The following MVB12B variants were observed in gnomAD, a reference collection of about 807,000 sequenced individuals.
The protein encoded by MVB12B is ESCRT-I complex subunit MVB12B.
Under a neutral mutation model 41.6 loss-of-function variants are expected in MVB12B, and 16 were observed. The observed-to-expected ratio is 0.38, with a 90% confidence interval of 0.26 to 0.58. MVB12B has a LOEUF of 0.58. MVB12B is among the 20% of genes least tolerant of loss of function. The pLI, the probability that MVB12B is intolerant of heterozygous loss-of-function variation, is 0.62. For synonymous variants in MVB12B, 133 were observed against 139.7 expected, an observed-to-expected ratio of 0.95 and a Z score of 0.34; for missense variants, 274 against 380.2, an observed-to-expected ratio of 0.72 and a Z score of 2.32.
chr9:126,496,154 T>C (rs1396505584), intron 9 of MVB12B, among the ~76,000 whole-genome samples: 1 of 151,844 alleles, frequency 6.6e-6, no homozygotes, highest in African/African-American at 2.4e-5. Flanking sequence ...GCCCAGAGCC[T>C]GATGTGTCTC....
At position 126,505,670 on chromosome 9, in the gene MVB12B, GTGTGTGTGTA is replaced by G. The variant is rs145703083; in HGVS notation, c.*2409_*2418del. ...AGCATGTGCCTGTGTGTGTGTGTGT[GTGTGTGTGTA>G]TATGTGTGTGTGTGCACGCACATGC... On this transcript the variant is annotated 3_prime_UTR_variant, in exon 10 of 10. Transcript: ENST00000361171. The G allele has an allele frequency of 0.061, 8,487 of 138,588 alleles. 341 individuals are homozygous for G. Among genetic ancestry groups the G allele is most frequent in the Middle Eastern group, 0.18 (51 of 286 alleles). 8.6% of individuals were successfully genotyped at this position (138,588 alleles called of 1,614,324 possible).
At chr9:126,482,182 TGGCAG>T (rs1444768846) in intron 8 of MVB12B, among the ~76,000 whole-genome samples, 1 of 52,320 alleles carries the variant, frequency 1.9e-5, no homozygotes, top group Admixed American at 2.1e-4. Flanking sequence ...GCCCCCAAGG[TGGCAG>T]TGGCCCCCTC....
chr9:126,365,602 A>G (rs1443490699), intron 2 of MVB12B, among the ~76,000 whole-genome samples: 3 of 152,134 alleles, frequency 2.0e-5, no homozygotes, highest in Non-Finnish European at 4.4e-5. Context: ...TGGCCTCCCA[A>G]AGTGCTAGGA....
At chr9:126,381,213 T>A in intron 3 of MVB12B, 42 bp downstream of exon 3, 2 of 1,313,186 alleles carry the variant, frequency 1.5e-6, no homozygotes, top group Non-Finnish European at 1.1e-6. Flanking sequence ...TGAGCACAAG[T>A]AATTTACATT....
intron 6 of MVB12B, among the ~76,000 whole-genome samples, chr9:126,417,392 T>TC (rs370549107): frequency 6.6e-6 from 1 of 152,220 alleles, no homozygotes; most frequent in Non-Finnish European, 1.5e-5. Context: ...TTCTTTTTTT[T>TC]CCCTTCTTGT....
chr9:126,429,237 C>G (rs1363094433), intron 7 of MVB12B, among the ~76,000 whole-genome samples: 1 of 152,096 alleles, frequency 6.6e-6, no homozygotes, highest in Non-Finnish European at 1.5e-5. Flanking sequence ...TCCTCTTGCC[C>G]TGACTGACAA....
At chr9:126,328,998 G>T (rs1423669623) in intron 1 of MVB12B, among the ~76,000 whole-genome samples, 2 of 152,038 alleles carry the variant, frequency 1.3e-5, no homozygotes, top group Non-Finnish European at 2.9e-5. Context: ...GCCCAAGCTG[G>T]TCTTGAACAC....
At chr9:126,396,438 C>T (rs1174306322) in intron 6 of MVB12B, 1 of 985,524 alleles carries the variant, frequency 1.0e-6, no homozygotes, top group Non-Finnish European at 1.2e-6. Context: ...GAGGCAGCAA[C>T]ACTTAGGGAT....
rs886337345 is a variant in MVB12B at position 126,333,395 on chromosome 9, T to C, written c.81+6385T>C. On this transcript the variant is annotated intron_variant, in intron 1 of 9. Coordinates refer to ENST00000361171, the MANE Select transcript of MVB12B (RefSeq NM_033446.3). This position sits in a 1 kb window ranked among gnomAD's most constrained non-coding sequence, Gnocchi z 4.7. ...CCACTGCGCCTGGCCATGACCCTGG[T>C]TTTATTTATTTACTTATTTATTTTT... Among the ~76,000 whole-genome samples, 1 of 150,694 alleles carries C rather than the reference T, an allele frequency of 6.6e-6. No individual in the cohort carries two copies. The highest frequency in any genetic ancestry group is 1.5e-5 in the Non-Finnish European group (1 of 67,756).
rs1309448466 is a variant in MVB12B, at chr9:126,376,002, AC to A, written c.205-5060del. 4.0e-5 allele frequency among the ~76,000 whole-genome samples: 6 copies of A among 151,588 alleles called. No homozygotes were observed. The highest frequency in any genetic ancestry group is 1.5e-4 in the African/African-American group (6 of 41,182). ...ATCCACTTTTGTGGAAACACTCAGG[AC>A]CTCTTTAACACAGAGGCTCCCCCTC... is the stretch of plus-strand genomic sequence containing the variant. On this transcript the variant is annotated intron_variant, in intron 2 of 9. Transcript: ENST00000361171. The surrounding 1 kb of genome is among the most constrained non-coding windows in gnomAD (Gnocchi z 4.1).
intron 2 of MVB12B, among the ~76,000 whole-genome samples, chr9:126,378,652 CTT>C (rs542806944): frequency 6.6e-6 from 1 of 151,912 alleles, no homozygotes; most frequent in African/African-American, 2.4e-5. Flanking sequence ...CTCTCTCTCT[CTT>C]TCTTTCTTCC....
chr9:126,396,023 C>G (rs1831104115), intron 6 of MVB12B: 1 of 1,077,072 alleles, frequency 9.3e-7, no homozygotes. Flanking sequence ...GTTGGGATCA[C>G]TGGCCTTAAG....
chr9:126,434,409 AG>A (rs1415980046), intron 7 of MVB12B, among the ~76,000 whole-genome samples: 1 of 152,170 alleles, frequency 6.6e-6, no homozygotes, highest in Non-Finnish European at 1.5e-5. Context: ...TTTGTTAGAG[AG>A]CAGTTTCTTA....
At position 126,434,094 on chromosome 9, in the gene MVB12B, C is replaced by CT. The variant is rs1564328506; in HGVS notation, c.757+12152dup. 2.0e-5 allele frequency among the ~76,000 whole-genome samples: 3 copies of CT among 152,174 alleles called. No individual in the cohort carries two copies. The South Asian group carries it at 6.2e-4, about 32-fold the overall frequency. ...ACATTAGGACAAAAGAAATTCCGAT[C>CT]TTTTTTAGAACAACGAAGCCACCTG... On this transcript the variant is annotated intron_variant, in intron 7 of 9. Coordinates refer to ENST00000361171, the MANE Select transcript of MVB12B (RefSeq NM_033446.3).
At chr9:126,435,818 A>C (rs1832462273) in intron 7 of MVB12B, among the ~76,000 whole-genome samples, 1 of 152,158 alleles carries the variant, frequency 6.6e-6, no homozygotes, top group Admixed American at 6.5e-5. Context: ...TCAGGGTTGG[A>C]GAGAGTAGAT....
At chr9:126,470,137 T>G (rs1211884844) in intron 7 of MVB12B, among the ~76,000 whole-genome samples, 1 of 152,238 alleles carries the variant, frequency 6.6e-6, no homozygotes, top group African/African-American at 2.4e-5. Context: ...GTAGACCCCT[T>G]TCTGCCTGCT....
chr9:126,402,815 G>GT (rs1189933964), intron 6 of MVB12B, among the ~76,000 whole-genome samples: 2 of 152,196 alleles, frequency 1.3e-5, no homozygotes, highest in Admixed American at 1.3e-4. Context: ...CTTTTTGTTT[G>GT]TTTTACCTCT....
rs978038842 is a variant in MVB12B, at chr9:126,367,005, G to A, written c.205-14059G>A. ...CCACCCTTCTTCTGAATGTTCCCAC[G>A]AGACAGAGGCCAGAATCCTTCCAAG... On this transcript the variant is annotated intron_variant, in intron 2 of 9. Coordinates refer to ENST00000361171, the MANE Select transcript of MVB12B (RefSeq NM_033446.3). The surrounding 1 kb of genome is among the most constrained non-coding windows in gnomAD (Gnocchi z 4.3). Among the ~76,000 whole-genome samples, 3 of 152,070 alleles carry A rather than the reference G, an allele frequency of 2.0e-5. No homozygotes were observed. The highest frequency in any genetic ancestry group is 7.2e-5 in the African/African-American group (3 of 41,426).
intron 3 of MVB12B, among the ~76,000 whole-genome samples, chr9:126,383,174 G>T (rs4837073): frequency 6.6e-6 from 1 of 152,216 alleles, no homozygotes; most frequent in African/African-American, 2.4e-5. Context: ...TGGCCCTGTA[G>T]TCCAAACCAA....
Sources: allele counts gnomAD v4.1 joint callset (sites outside exome capture counted in the v4.1 genomes callset), GRCh38; gene constraint gnomAD v4.1.1; non-coding constraint Gnocchi (gnomAD v3.1); transcripts MANE v1.5; gene names NCBI Gene and HGNC (gene_info 2026-07-23, HGNC 2026-07-21).